Variants in WDR45B observed in about 807,000 individuals in gnomAD.
The protein encoded by WDR45B is WD repeat domain 45B.
Under a neutral mutation model 44.6 loss-of-function variants are expected in WDR45B, and 20 were observed. That is an observed-to-expected ratio of 0.45 (90% CI 0.32 to 0.65). The LOEUF (loss-of-function observed/expected upper bound fraction) is 0.65, where lower values mean the gene tolerates loss of function less well. Among genes scored for constraint, WDR45B ranks in the 30% least tolerant of loss-of-function variants. The pLI is 0.05. For synonymous variants in WDR45B, 169 were observed against 164.9 expected (o/e 1.02, Z -0.19); for missense variants, 323 against 430.2 (o/e 0.75, Z 2.20).
At chr17:82,621,187 G>T (rs548603878) in intron 6 of WDR45B, among the ~76,000 whole-genome samples, 1 of 151,888 alleles carries the variant, frequency 6.6e-6, no homozygotes, top group Non-Finnish European at 1.5e-5. Flanking sequence ...CCGAGTAGCT[G>T]GGATTACAGG....
intron 1 of WDR45B, 35 bp downstream of exon 1, chr17:82,648,239 C>A (rs747292777): frequency 1.3e-6 from 2 of 1,592,120 alleles, no homozygotes; most frequent in Non-Finnish European, 1.7e-6. Flanking sequence ...CGGGAAGGCC[C>A]GGCCGGGCAA....
chr17:82,617,573 T>C (rs2045553987), intron 7 of WDR45B, 176 bp from the exon 8 acceptor site: 7 of 681,202 alleles, frequency 1.0e-5, no homozygotes, highest in South Asian at 1.6e-5. Flanking sequence ...GCACCACAGG[T>C]TGAAGCCACA....
At chr17:82,642,980 A>G (rs1288647620) in intron 2 of WDR45B, among the ~76,000 whole-genome samples, 1 of 152,216 alleles carries the variant, frequency 6.6e-6, no homozygotes, top group Non-Finnish European at 1.5e-5. Flanking sequence ...ATCCCATCAT[A>G]CATTTATCTG....
chr17:82,638,385 C>T (rs988211904), intron 2 of WDR45B, among the ~76,000 whole-genome samples: 6 of 151,134 alleles, frequency 4.0e-5, no homozygotes, highest in South Asian at 2.1e-4. Flanking sequence ...AGAGGCCTCC[C>T]CTGAGGGCCA....
intron 2 of WDR45B, 100 bp from the exon 3 acceptor site, chr17:82,631,122 T>G: frequency 4.1e-6 from 5 of 1,223,250 alleles, no homozygotes; most frequent in Non-Finnish European, 5.9e-6. Flanking sequence ...GCAGCAATTT[T>G]CTATTTTTTG....
chr17:82,619,033 G>C lies in WDR45B; in HGVS notation c.704+10C>G. On this transcript the variant is annotated intron_variant, in intron 7 of 9. Transcript: ENST00000392325. ...AAGTTCTTCTCCGGTGAAGTTGGAG[G>C]TGCCCTTACCAGTAAATATTGGCTG... The C allele has an allele frequency of 6.2e-7, 1 of 1,613,850 alleles. No homozygotes were observed. The highest frequency in any genetic ancestry group is 8.5e-7 in the Non-Finnish European group (1 of 1,179,796).
intron 1 of WDR45B, chr17:82,644,444 G>A (rs750294476): frequency 4.4e-6 from 1 of 229,844 alleles, no homozygotes; most frequent in African/African-American, 2.2e-5. Flanking sequence ...CCAGGAACCG[G>A]GAAGGTGAGG....
chr17:82,632,749 C>T (rs1194370201), intron 2 of WDR45B, among the ~76,000 whole-genome samples: 3 of 152,062 alleles, frequency 2.0e-5, no homozygotes, highest in African/African-American at 4.8e-5. Flanking sequence ...TCAAGGCAGC[C>T]GGGCACAGTG....
chr17:82,646,052 C>T (rs12938396), intron 1 of WDR45B, among the ~76,000 whole-genome samples: 31,175 of 150,964 alleles, frequency 0.21, 3,533 homozygotes, highest in South Asian at 0.32. Context: ...ACCCAGGAGG[C>T]AGAGGTTGCA....
At chr17:82,627,418 C>T (rs1354047601) in intron 3 of WDR45B, 127 bp from the exon 4 acceptor site, 1 of 786,080 alleles carries the variant, frequency 1.3e-6, no homozygotes, top group Non-Finnish European at 2.2e-6. Flanking sequence ...ACCCTCAGGC[C>T]TCAGACACAC....
At chr17:82,638,155 C>T (rs943068289) in intron 2 of WDR45B, among the ~76,000 whole-genome samples, 20 of 136,364 alleles carry the variant, frequency 1.5e-4, no homozygotes, top group African/African-American at 5.5e-4. Flanking sequence ...CACTGCACTC[C>T]AGCCTGGGAG....
intron 2 of WDR45B, among the ~76,000 whole-genome samples, chr17:82,642,908 A>G (rs1210695495): frequency 7.2e-5 from 11 of 152,188 alleles, no homozygotes; most frequent in Admixed American, 7.2e-4. Context: ...GTATCCTGAG[A>G]TTTGCAAGTC....
rs2045897475 is a variant in WDR45B at position 82,640,341 on chromosome 17, T to G, written c.142+3608A>C. ...GGGCAAGTCTGGTGCTGCTCTTCACTGGGATTTTTTTCTTTTTTTTTTTTT... is the reference window on the plus strand; with the variant it reads ...GGGCAAGTCTGGTGCTGCTCTTCACGGGGATTTTTTTCTTTTTTTTTTTTT... On this transcript the variant is annotated intron_variant, in intron 2 of 9. Transcript: ENST00000392325. Among the ~76,000 whole-genome samples, 4 of 149,872 alleles carry G rather than the reference T, an allele frequency of 2.7e-5. No homozygotes were observed. The Admixed American group carries it at 2.7e-4, about 10-fold the overall frequency.
intron 2 of WDR45B, among the ~76,000 whole-genome samples, chr17:82,637,862 G>C (rs1396571631): frequency 6.6e-6 from 1 of 151,662 alleles, no homozygotes; most frequent in Non-Finnish European, 1.5e-5. Context: ...CCTTCTCTGG[G>C]GAGGGTCCTG....
Position 82,621,698 on chromosome 17 carries a change from G to C in WDR45B, c.529C>G (p.Pro177Ala). The C allele has an allele frequency of 6.2e-7, 1 of 1,614,190 alleles. No individual in the cohort carries two copies. Among genetic ancestry groups the C allele is most frequent in the Non-Finnish European group, 8.5e-7 (1 of 1,180,030 alleles). ...TCGTGTGCAGGAATGTCCACGGGTG[G>C]CTTCTCCGTGCTGGCCAGGTCCACA... Reference protein sequence around the residue: ...QLVDLASTEKPPVDIPAHEGV... With the variant: ...QLVDLASTEKAPVDIPAHEGV... The change falls in exon 6 of 10, where the codon CCA becomes GCA. Residue 177 changes from proline (P) to alanine (A), a missense_variant. By Grantham distance (27) the Pro-to-Ala change is conservative. Transcript: ENST00000392325.
At chr17:82,618,773 A>C (rs1224588926) in intron 7 of WDR45B, among the ~76,000 whole-genome samples, 1 of 152,150 alleles carries the variant, frequency 6.6e-6, no homozygotes, top group African/African-American at 2.4e-5. Flanking sequence ...AAAACCCACC[A>C]ACAACAAAAA....
At chr17:82,645,227 G>T (rs2045961102) in intron 1 of WDR45B, among the ~76,000 whole-genome samples, 1 of 152,036 alleles carries the variant, frequency 6.6e-6, no homozygotes, top group African/African-American at 2.4e-5. Context: ...GAACCCAGGA[G>T]GGGGAGGTTG....
chr17:82,637,013 T>C (rs867642354), intron 2 of WDR45B, among the ~76,000 whole-genome samples: 26 of 151,896 alleles, frequency 1.7e-4, no homozygotes, highest in Admixed American at 3.3e-4. Context: ...AAACCCCCGG[T>C]CTCCTTTGTT....
At position 82,619,408 on chromosome 17, in the gene WDR45B, C is replaced by T. The variant is rs1283940185; in HGVS notation, c.619-280G>A. Among the ~76,000 whole-genome samples, 2 of 152,096 alleles carry T rather than the reference C, an allele frequency of 1.3e-5. 1 individual carries two copies. The highest frequency in any genetic ancestry group is 4.2e-4 in the South Asian group (2 of 4,814). On this transcript the variant is annotated intron_variant, in intron 6 of 9. Transcript: ENST00000392325. ...GCAGGGTGGACTGACCCTGGATGCC[C>T]GCATCCCTGGCTGAGACCCAGGAGG...
Sources: allele counts gnomAD v4.1 joint callset (sites outside exome capture counted in the v4.1 genomes callset), GRCh38; gene constraint gnomAD v4.1.1; transcripts MANE v1.5; gene names NCBI Gene and HGNC (gene_info 2026-07-23, HGNC 2026-07-21).